Variants in PLEKHG7 observed in about 807,000 individuals in gnomAD.
The protein encoded by PLEKHG7 is pleckstrin homology domain-containing family G member 7.
A neutral mutation model predicts 85.2 loss-of-function variants in PLEKHG7; 77 were observed. The ratio of observed to expected loss-of-function variants is 0.90; its 90% CI spans 0.75 to 1.09. PLEKHG7 has a LOEUF of 1.09. Among genes scored for constraint, PLEKHG7 ranks in the 50% least tolerant of loss-of-function variants. The probability of loss-of-function intolerance (pLI) is 0.00; values close to 1 mark genes in which losing one functional copy is unlikely to be tolerated. For synonymous variants in PLEKHG7, 301 were observed against 302.4 expected (o/e 1.00, Z 0.05); for missense variants, 777 against 804.3 (o/e 0.97, Z 0.41).
intron 14 of PLEKHG7, among the ~76,000 whole-genome samples, chr12:92,762,519 AT>A (rs768412386): frequency 1.3e-5 from 2 of 152,124 alleles, no homozygotes; most frequent in South Asian, 4.2e-4. Context: ...TGTTGTTGTT[AT>A]TTTTACTACC....
chr12:92,764,984 G>A (rs1027386415), intron 15 of PLEKHG7, among the ~76,000 whole-genome samples: 16 of 152,012 alleles, frequency 1.1e-4, no homozygotes, highest in Admixed American at 4.6e-4. Flanking sequence ...AGGCAGGTGG[G>A]GACTGACTTC....
At chr12:92,707,486 T>C in intron 2 of PLEKHG7, 164 bp from the exon 3 acceptor site, 1 of 1,454,418 alleles carries the variant, frequency 6.9e-7, no homozygotes, top group Non-Finnish European at 9.0e-7. Context: ...TGTCACTGAT[T>C]TAAAAGGGGA....
chr12:92,764,430 G>C (rs1873129237), intron 15 of PLEKHG7, among the ~76,000 whole-genome samples: 1 of 152,080 alleles, frequency 6.6e-6, no homozygotes, highest in African/African-American at 2.4e-5. Context: ...AGTTTTCTAA[G>C]CCTTTGAGAA....
chr12:92,743,928 A>G (rs942115331), intron 9 of PLEKHG7, among the ~76,000 whole-genome samples: 5 of 152,114 alleles, frequency 3.3e-5, no homozygotes, highest in East Asian at 1.9e-4. Context: ...CAAGCATCTC[A>G]GTGTCCATGA....
intron 3 of PLEKHG7, among the ~76,000 whole-genome samples, chr12:92,716,459 T>C (rs890269291): frequency 6.6e-6 from 1 of 152,236 alleles, no homozygotes; most frequent in Admixed American, 6.5e-5. Flanking sequence ...GTTCTGAAAT[T>C]GGCTAACTGG....
intron 15 of PLEKHG7, among the ~76,000 whole-genome samples, chr12:92,768,066 G>A (rs1039440477): frequency 5.3e-5 from 8 of 152,034 alleles, no homozygotes; most frequent in Admixed American, 3.9e-4. Context: ...AAATTAGCCA[G>A]GCGTGGTGGC....
rs144319832 is a variant in PLEKHG7, at chr12:92,724,670, T to C, written c.531-4323T>C. On this transcript the variant is annotated intron_variant, in intron 3 of 16. Transcript: ENST00000344636. ...TATATGTTCAGGTTTCAAGATCTAT[T>C]CCGAACAGCAAGAAGGCAAAGGACA... is the stretch of plus-strand genomic sequence containing the variant. 3.0e-4 allele frequency among the ~76,000 whole-genome samples: 46 copies of C among 152,336 alleles called. No individual in the cohort carries two copies. The East Asian group carries it at 8.3e-3, about 27-fold the overall frequency.
intron 3 of PLEKHG7, among the ~76,000 whole-genome samples, chr12:92,715,329 TC>T (rs1392420420): frequency 6.6e-6 from 1 of 152,096 alleles, no homozygotes; most frequent in Non-Finnish European, 1.5e-5. Flanking sequence ...GGGTCTGCCT[TC>T]CCCCGCCCAC....
intron 3 of PLEKHG7, among the ~76,000 whole-genome samples, chr12:92,726,620 G>C (rs1871825126): frequency 6.6e-6 from 1 of 152,116 alleles, no homozygotes; most frequent in Non-Finnish European, 1.5e-5. Context: ...CCCCTTACCA[G>C]CCTGACCAAT....
intron 3 of PLEKHG7, among the ~76,000 whole-genome samples, chr12:92,713,813 TC>T (rs1871411826): frequency 6.6e-6 from 1 of 152,170 alleles, no homozygotes; most frequent in African/African-American, 2.4e-5. Context: ...CAGTGGGCTA[TC>T]TTTTAATCCA....
chr12:92,713,017 G>A (rs923289479), intron 3 of PLEKHG7, among the ~76,000 whole-genome samples: 2 of 152,136 alleles, frequency 1.3e-5, no homozygotes, highest in East Asian at 3.8e-4. Flanking sequence ...CAGTTACCTT[G>A]GTAAAAGGCC....
At chr12:92,753,210 G>A (rs1408525099) in intron 10 of PLEKHG7, among the ~76,000 whole-genome samples, 1 of 152,074 alleles carries the variant, frequency 6.6e-6, no homozygotes, top group African/African-American at 2.4e-5. Context: ...AAGAGGAAGA[G>A]AACACACACA....
At position 92,755,888 on chromosome 12, in the gene PLEKHG7, T is replaced by A; in HGVS notation, c.1490T>A (p.Ile497Asn). The A allele has an allele frequency of 6.2e-7, 1 of 1,613,568 alleles. No individual in the cohort carries two copies. Among genetic ancestry groups the A allele is most frequent in the Non-Finnish European group, 8.5e-7 (1 of 1,179,788 alleles). Residue 497 changes from isoleucine (I) to asparagine (N), a missense_variant, in exon 12 of 17, where the codon ATT becomes AAT. Physicochemically the swap from Ile to Asn is moderately radical, Grantham distance 149. Coordinates refer to ENST00000344636, the MANE Select transcript of PLEKHG7 (RefSeq NM_001377329.1). Reference sequence around the variant, plus strand: ...CAAAAATTTAGATATCTACAGGAGATTATAGTGTGGCCACCGCTTTGGGAT... The same window carrying A: ...CAAAAATTTAGATATCTACAGGAGAATATAGTGTGGCCACCGCTTTGGGAT... The part of the protein sequence containing the change: ...NFQKFRYLQE[I>N]IVWPPLWDRD...
intron 3 of PLEKHG7, among the ~76,000 whole-genome samples, chr12:92,709,536 A>G (rs1592671769): frequency 6.6e-6 from 1 of 152,210 alleles, no homozygotes; most frequent in East Asian, 1.9e-4. Flanking sequence ...TGGATGTACT[A>G]TATGTATATT....
At chr12:92,718,298 G>A (rs1440029355) in intron 3 of PLEKHG7, among the ~76,000 whole-genome samples, 1 of 152,208 alleles carries the variant, frequency 6.6e-6, no homozygotes, top group Non-Finnish European at 1.5e-5. Context: ...GGAACCACGT[G>A]CCACTCTTCC....
chr12:92,757,799 C>T (rs1169978199), intron 13 of PLEKHG7, among the ~76,000 whole-genome samples: 1 of 152,098 alleles, frequency 6.6e-6, no homozygotes, highest in Admixed American at 6.6e-5. Context: ...ACAGAAGGAC[C>T]CAGCCAGGAA....
At chr12:92,710,268 C>A (rs1026051134) in intron 3 of PLEKHG7, among the ~76,000 whole-genome samples, 1 of 152,188 alleles carries the variant, frequency 6.6e-6, no homozygotes, top group Non-Finnish European at 1.5e-5. Flanking sequence ...CCCAGCCCTG[C>A]AAAGTATTGT....
chr12:92,732,893 C>G (rs1175035957), intron 5 of PLEKHG7, among the ~76,000 whole-genome samples: 1 of 152,152 alleles, frequency 6.6e-6, no homozygotes, highest in African/African-American at 2.4e-5. Context: ...AACCTGACTC[C>G]TGTTTTCTAG....
intron 3 of PLEKHG7, among the ~76,000 whole-genome samples, chr12:92,726,398 G>T (rs1871816636): frequency 6.6e-6 from 1 of 152,178 alleles, no homozygotes; most frequent in Admixed American, 6.5e-5. Flanking sequence ...CTATGCTTTT[G>T]TTGGTAAATC....
Sources: gnomAD v4.1 joint callset for allele counts (sites outside exome capture counted in the v4.1 genomes callset) on GRCh38, gnomAD v4.1.1 for gene constraint, MANE v1.5 for transcripts, NCBI Gene and HGNC (gene_info 2026-07-23, HGNC 2026-07-21) for gene names.